DENND6B: variants seen among roughly 807,000 people sequenced by gnomAD.
The protein encoded by DENND6B is protein DENND6B.
Under a neutral mutation model 85.1 loss-of-function variants are expected in DENND6B, and 73 were observed. The observed-to-expected ratio is 0.86, with a 90% CI of 0.71 to 1.04. DENND6B has a LOEUF of 1.04. Among genes scored for constraint, DENND6B ranks in the 50% least tolerant of loss-of-function variants. The probability of loss-of-function intolerance (pLI) is 0.00; values close to 1 mark genes in which losing one functional copy is unlikely to be tolerated. For synonymous variants in DENND6B, 357 were observed against 329.3 expected (o/e 1.08, Z -0.91); for missense variants, 715 against 785.8 (o/e 0.91, Z 1.08).
chr22:50,322,975 C>T (rs1480231501), intron 1 of DENND6B, among the ~76,000 whole-genome samples: 2 of 148,142 alleles, frequency 1.4e-5, no homozygotes, highest in Non-Finnish European at 3.0e-5. Context: ...CTCAGCCTCC[C>T]AAGTAGCTGG....
intron 5 of DENND6B, 24 bp downstream of exon 5, chr22:50,317,269 G>C (rs1163954184): frequency 6.2e-7 from 1 of 1,611,414 alleles, no homozygotes; most frequent in African/African-American, 1.3e-5. Flanking sequence ...TGAGGTGCCA[G>C]CCCAGAGTGG....
intron 1 of DENND6B, 62 bp downstream of exon 1, chr22:50,326,750 G>T (rs2042200315): frequency 7.7e-7 from 1 of 1,291,800 alleles, no homozygotes; most frequent in Non-Finnish European, 9.8e-7. Flanking sequence ...AAGCGAGGCG[G>T]GACTGGCCCC....
rs1016467173 is a variant in DENND6B, at chr22:50,315,712, A to G, written c.758+2T>C. 1.7e-5 allele frequency: 26 copies of G among 1,567,872 alleles called. No individual in the cohort carries two copies. The highest frequency in any genetic ancestry group is 2.2e-5 in the Non-Finnish European group (26 of 1,158,234). On this transcript the variant is annotated splice_donor_variant, in intron 9 of 19. Transcript: ENST00000413817. LOFTEE classifies it high-confidence loss of function. ...CAGTGTGCAGAACCCTAGGGGGCTCACCTGAACAGGTCCAGCTCGTGGACG... is the reference window on the plus strand; with the variant it reads ...CAGTGTGCAGAACCCTAGGGGGCTCGCCTGAACAGGTCCAGCTCGTGGACG...
intron 9 of DENND6B, 25 bp downstream of exon 9, chr22:50,315,689 G>A (rs2041788066): frequency 6.4e-7 from 1 of 1,563,010 alleles, no homozygotes. Flanking sequence ...CTCAAAAGCA[G>A]TGTGCAGAAC....
In DENND6B at chr22:50,313,651, C is replaced by T. The variant is rs1346330578; in HGVS notation, c.1277G>A (p.Ser426Asn). Residue 426 changes from serine (S) to asparagine (N), a missense_variant, in exon 15 of 20, where the codon AGC (serine) becomes AAC (asparagine). Physicochemically the swap from Ser to Asn is conservative, Grantham distance 46 (BLOSUM62 1). Coordinates refer to ENST00000413817, the MANE Select transcript of DENND6B (RefSeq NM_001001794.4). ...LRRHLLELTQ[S>N]FIIPLEHYMA... Reference sequence around the variant, plus strand: ...GGGCCTCACCAGGGGGATGATGAAGCTCTGGGTGAGCTCCAGGAGGTGCCG... The same window carrying T: ...GGGCCTCACCAGGGGGATGATGAAGTTCTGGGTGAGCTCCAGGAGGTGCCG... The T allele has an allele frequency of 1.9e-6, 3 of 1,590,158 alleles. No homozygotes were observed. The highest frequency in any genetic ancestry group is 4.6e-5 in the East Asian group (2 of 43,896).
intron 9 of DENND6B, 121 bp from the exon 10 acceptor site, chr22:50,315,042 A>G: frequency 1.4e-6 from 2 of 1,388,140 alleles, no homozygotes; most frequent in Non-Finnish European, 2.0e-6. Flanking sequence ...ACGCTGCTCC[A>G]GGGTGAAGAC....
intron 9 of DENND6B, 183 bp from the exon 10 acceptor site, chr22:50,315,104 C>T (rs2147771921): frequency 3.4e-6 from 3 of 890,828 alleles, no homozygotes; most frequent in East Asian, 2.8e-5. Context: ...CAAGCTGTGA[C>T]AATCCACCTG....
Position 50,313,940 on chromosome 22 carries a change from C to T in DENND6B, c.1139-62G>A, listed in dbSNP as rs1569197275. 6 of 1,525,174 alleles carry T rather than the reference C, an allele frequency of 3.9e-6. No homozygotes were observed. The African/African-American group carries it at 5.5e-5, about 14-fold the overall frequency. The allele number at this position is 1,525,174 out of a possible 1,614,324, so 94.5% of individuals were successfully genotyped here. A position where few individuals can be genotyped will look rare whatever the true frequency, so the allele number is the denominator to read the frequency against. ...GGGCCTCCCTCCCACACTCCTGCAG[C>T]CCCACAGAGGAGCCAGGGTGGGGGT... On this transcript the variant is annotated intron_variant, in intron 13 of 19. Coordinates refer to ENST00000413817, the MANE Select transcript of DENND6B (RefSeq NM_001001794.4).
rs2068100348 is a variant in DENND6B at position 50,312,983 on chromosome 22, C to A, written c.1457+16G>T. ...CCAAGGAGGGCTCAAGCTGCCTGCA[C>A]CTGCAGTCCACGCACCTGTAGAGAC... On this transcript the variant is annotated intron_variant, in intron 17 of 19. Coordinates refer to ENST00000413817, the MANE Select transcript of DENND6B (RefSeq NM_001001794.4). 6 of 1,547,922 alleles carry A rather than the reference C, an allele frequency of 3.9e-6. No individual in the cohort carries two copies. Among genetic ancestry groups the A allele is most frequent in the Non-Finnish European group, 5.2e-6 (6 of 1,145,392 alleles).
rs2068122875 is a variant in DENND6B, at chr22:50,313,569, C to T, written c.1293+66G>A. ...CCAGCCCCATCCCCCGCAGCCCCGT[C>T]CCCCCCAACCCCATCCCCCCAGCCC... On this transcript the variant is annotated intron_variant, in intron 15 of 19. Transcript: ENST00000413817. The T allele has an allele frequency of 3.6e-6, 4 of 1,122,734 alleles. No homozygotes were observed. In the South Asian group the frequency reaches 6.2e-5, roughly 17 times the overall value. 69.5% of individuals were successfully genotyped at this position (1,122,734 alleles called of 1,614,324 possible).
At chr22:50,318,681 G>A (rs906207137) in intron 3 of DENND6B, among the ~76,000 whole-genome samples, 166 bp downstream of exon 3, 8 of 152,124 alleles carry the variant, frequency 5.3e-5, no homozygotes, top group Admixed American at 1.3e-4. Flanking sequence ...CTGCTGCAAC[G>A]CGGGGCTCTG....
rs1275974467 is a variant in DENND6B at position 50,314,599 on chromosome 22, ACTTAC to A, written c.977+1_977+5del. 1 of 1,559,402 alleles carries A rather than the reference ACTTAC, an allele frequency of 6.4e-7. No individual in the cohort carries two copies. Among genetic ancestry groups the A allele is most frequent in the Non-Finnish European group, 8.7e-7 (1 of 1,152,106 alleles). On this transcript the variant is annotated splice_donor_variant and splice_donor_5th_base_variant and intron_variant, in intron 11 of 19. Coordinates refer to ENST00000413817, the MANE Select transcript of DENND6B (RefSeq NM_001001794.4). LOFTEE classifies it high-confidence loss of function. ...GGGCAAGAGGCGGGGCAGAGGCGGC[ACTTAC>A]GGGGCCTGCGTGCGTGTGGTGAACT...
chr22:50,314,521 CAG>C (rs2041718740), intron 11 of DENND6B, 27 bp from the exon 12 acceptor site: 1 of 1,554,686 alleles, frequency 6.4e-7, no homozygotes, highest in Non-Finnish European at 8.7e-7. Flanking sequence ...AGAGAAGAGG[CAG>C]AGACAGAGGT....
rs758339557 is a variant in DENND6B, at chr22:50,314,192, G to C, written c.1138+15C>G. 9 of 1,596,616 alleles carry C rather than the reference G, an allele frequency of 5.6e-6. No individual in the cohort carries two copies. Among genetic ancestry groups the C allele is most frequent in the South Asian group, 5.5e-5 (5 of 90,684 alleles). ...CTCCACGGTGGAGGGGCTCCAGGTC[G>C]AGGGGAGCACAGACCTGGCTTGGTG... On this transcript the variant is annotated intron_variant, in intron 13 of 19. Coordinates refer to ENST00000413817, the MANE Select transcript of DENND6B (RefSeq NM_001001794.4).
At chr22:50,321,427 C>T (rs2042039792) in intron 1 of DENND6B, among the ~76,000 whole-genome samples, 1 of 152,266 alleles carries the variant, frequency 6.6e-6, no homozygotes, top group South Asian at 2.1e-4. Context: ...CTGACGTGAT[C>T]TCAGCTCACT....
chr22:50,313,009 C>A lies in DENND6B; in HGVS notation c.1447G>T (p.Gly483Cys). The change falls in exon 17 of 20, where the codon GGT becomes TGT. Residue 483 changes from glycine (G) to cysteine (C), a missense_variant. By Grantham distance (159) the Gly-to-Cys change is radical. Transcript: ENST00000413817. ...CTGCAGTCCACGCACCTGTAGAGACCCAGCCAGTCGCCCTTGAGGATGCAG... is the reference window on the plus strand; with the variant it reads ...CTGCAGTCCACGCACCTGTAGAGACACAGCCAGTCGCCCTTGAGGATGCAG... Reference protein sequence around the residue: ...LTCILKGDWLGLYRRFFKSPH... With the variant: ...LTCILKGDWLCLYRRFFKSPH... 1 of 1,557,860 alleles carries A rather than the reference C, an allele frequency of 6.4e-7. No individual in the cohort carries two copies. Among genetic ancestry groups the A allele is most frequent in the Non-Finnish European group, 8.7e-7 (1 of 1,151,458 alleles).
At chr22:50,326,740 A>C (rs1252509927) in intron 1 of DENND6B, 72 bp downstream of exon 1, 1 of 1,259,818 alleles carries the variant, frequency 7.9e-7, no homozygotes, top group Non-Finnish European at 1.0e-6. Flanking sequence ...CGAGGGCCCC[A>C]AGCGAGGCGG....
intron 5 of DENND6B, 142 bp downstream of exon 5, chr22:50,317,151 A>T: frequency 1.3e-6 from 1 of 762,548 alleles, no homozygotes; most frequent in East Asian, 3.1e-5. Context: ...CGGCAAGGAG[A>T]GCTGGACACA....
intron 4 of DENND6B, 53 bp from the exon 5 acceptor site, chr22:50,317,426 G>C (rs953217636): frequency 3.1e-6 from 5 of 1,601,662 alleles, no homozygotes; most frequent in Non-Finnish European, 3.4e-6. Context: ...CACCTGGCCA[G>C]CCCCAGGGCT....
Sources: gnomAD v4.1 joint callset for allele counts (sites outside exome capture counted in the v4.1 genomes callset) on GRCh38, gnomAD v4.1.1 for gene constraint, MANE v1.5 for transcripts, NCBI Gene and HGNC (gene_info 2026-07-23, HGNC 2026-07-21) for gene names.